Variants in LYPLAL1 observed in about 807,000 individuals in gnomAD.
LYPLAL1 encodes lysophospholipase like 1.
Under a neutral mutation model 19.7 loss-of-function variants are expected in LYPLAL1, and 23 were observed. The ratio of observed to expected loss-of-function variants is 1.17; its 90% CI spans 0.84 to 1.65. LYPLAL1 has a LOEUF of 1.65. LYPLAL1 is among the 40% of genes most tolerant of loss of function. LYPLAL1 has a pLI of 0.00. For synonymous variants in LYPLAL1, 119 were observed against 96.3 expected (o/e 1.24, Z -1.38); for missense variants, 355 against 279.4 (o/e 1.27, Z -1.93).
chr1:219,298,507 C>T, the LYPLAL1 span, among the ~76,000 whole-genome samples: 1 of 152,136 alleles, frequency 6.6e-6, no homozygotes, highest in African/African-American at 2.4e-5. Flanking sequence ...CCTTCTTCCT[C>T]TTAGGGCAGT....
chr1:219,304,672 T>C, the LYPLAL1 span, among the ~76,000 whole-genome samples: 1 of 152,038 alleles, frequency 6.6e-6, no homozygotes, highest in African/African-American at 2.4e-5. Flanking sequence ...AATTGTGTAG[T>C]GAAAGTAAGT....
chr1:219,410,794 G>A, the LYPLAL1 span, among the ~76,000 whole-genome samples: 799 of 152,372 alleles, frequency 5.2e-3, 11 homozygotes, highest in African/African-American at 0.018. Context: ...TTAGCACCCG[G>A]GCCAGTGGCT....
intron 4 of LYPLAL1, 23 bp from the exon 5 acceptor site, chr1:219,211,469 T>G (rs748516107): frequency 3.5e-6 from 5 of 1,423,686 alleles, no homozygotes; most frequent in African/African-American, 2.9e-5. Context: ...TAAACTTTTC[T>G]GTCTTTGTAT....
At chr1:219,176,139 G>A (rs1655792218) in intron 1 of LYPLAL1, among the ~76,000 whole-genome samples, 1 of 152,108 alleles carries the variant, frequency 6.6e-6, no homozygotes, top group African/African-American at 2.4e-5. Context: ...ATTATATGTA[G>A]CCAACTTAAT....
At chr1:219,205,286 A>G (rs1284181876) in intron 3 of LYPLAL1, among the ~76,000 whole-genome samples, 1 of 148,358 alleles carries the variant, frequency 6.7e-6, no homozygotes, top group East Asian at 2.1e-4. Flanking sequence ...GAACCCGGGA[A>G]GCGGAGCTTG....
the LYPLAL1 span, among the ~76,000 whole-genome samples, chr1:219,346,703 G>T: frequency 1.3e-5 from 2 of 152,248 alleles, no homozygotes; most frequent in Middle Eastern, 6.8e-3. Flanking sequence ...TAATGTGTAT[G>T]TGATCATATT....
chr1:219,317,782 G>A, the LYPLAL1 span, among the ~76,000 whole-genome samples: 1 of 152,170 alleles, frequency 6.6e-6, no homozygotes, highest in Non-Finnish European at 1.5e-5. Context: ...CTCAGAGAAT[G>A]ACTTTATATG....
the LYPLAL1 span, among the ~76,000 whole-genome samples, chr1:219,284,194 G>A: frequency 6.6e-6 from 1 of 152,156 alleles, no homozygotes; most frequent in Non-Finnish European, 1.5e-5. Flanking sequence ...CCCCAGCCAT[G>A]CAGAACTGTG....
chr1:219,316,142 G>C, the LYPLAL1 span, among the ~76,000 whole-genome samples: 1 of 152,108 alleles, frequency 6.6e-6, no homozygotes, highest in Non-Finnish European at 1.5e-5. Context: ...TTAAGATCAT[G>C]GTGTTTATCA....
chr1:219,254,277 C>A, the LYPLAL1 span, among the ~76,000 whole-genome samples: 6 of 151,982 alleles, frequency 3.9e-5, no homozygotes, highest in Non-Finnish European at 1.5e-5. Flanking sequence ...ATTCCCTTTG[C>A]ATTCAAGGTT....
chr1:219,385,184 G>A, the LYPLAL1 span, among the ~76,000 whole-genome samples: 1 of 152,116 alleles, frequency 6.6e-6, no homozygotes, highest in African/African-American at 2.4e-5. Flanking sequence ...CTCTATGCCT[G>A]GAGAATACAC....
chr1:219,187,881 G>A (rs1426064960), intron 2 of LYPLAL1, among the ~76,000 whole-genome samples: 1 of 151,652 alleles, frequency 6.6e-6, no homozygotes, highest in Non-Finnish European at 1.5e-5. Context: ...AAGAAATAAT[G>A]TACTTCTTTG....
At chr1:219,259,410 T>C in the LYPLAL1 span, among the ~76,000 whole-genome samples, 3 of 892 alleles carry the variant, frequency 3.4e-3, no homozygotes, top group African/African-American at 5.3e-3. Flanking sequence ...TATATATACA[T>C]ATATATATAT....
chr1:219,284,758 C>T, the LYPLAL1 span, among the ~76,000 whole-genome samples: 1 of 152,212 alleles, frequency 6.6e-6, no homozygotes. Flanking sequence ...TAAAGACCTT[C>T]CCATGGTCCA....
the LYPLAL1 span, among the ~76,000 whole-genome samples, chr1:219,241,363 T>C: frequency 6.6e-6 from 1 of 151,756 alleles, no homozygotes; most frequent in African/African-American, 2.4e-5. Context: ...GAGAAGTTTG[T>C]TTATAATAGC....
chr1:219,426,449 T>TGCCACC, the LYPLAL1 span, among the ~76,000 whole-genome samples: 1 of 152,202 alleles, frequency 6.6e-6, no homozygotes, highest in East Asian at 1.9e-4. Flanking sequence ...GTTTTTAAAG[T>TGCCACC]ACTAGCTGTT....
the LYPLAL1 span, among the ~76,000 whole-genome samples, chr1:219,286,801 C>T: frequency 6.6e-6 from 1 of 152,236 alleles, no homozygotes; most frequent in Non-Finnish European, 1.5e-5. Flanking sequence ...CTGTTCTCCT[C>T]TGTATGGTGA....
At chr1:219,269,954 T>A in the LYPLAL1 span, among the ~76,000 whole-genome samples, 287 of 152,206 alleles carry the variant, frequency 1.9e-3, 2 homozygotes, top group African/African-American at 6.4e-3. Context: ...GAACGAACTT[T>A]AAAAAAAATT....
In LYPLAL1 at chr1:219,210,663, A is replaced by T. The variant is rs554524714; in HGVS notation, c.477+16A>T. 731 of 1,504,502 alleles carry T rather than the reference A, an allele frequency of 4.9e-4. No homozygotes were observed. The highest frequency in any genetic ancestry group is 1.3e-3 in the African/African-American group (96 of 71,440). 93.2% of individuals were successfully genotyped at this position (1,504,502 alleles called of 1,614,324 possible). The stretch of plus-strand genomic sequence containing the variant: ...TGTTTACCAGGTAAGTTCCAGATTT[A>T]AAAAAAAATGAAAAAAATATGAAAT... On this transcript the variant is annotated intron_variant, in intron 4 of 4. Transcript: ENST00000366928.
Sources: gnomAD v4.1 joint callset for allele counts (sites outside exome capture counted in the v4.1 genomes callset) on GRCh38, gnomAD v4.1.1 for gene constraint, MANE v1.5 for transcripts, NCBI Gene and HGNC (gene_info 2026-07-23, HGNC 2026-07-21) for gene names.